The following BRF1 variants were observed in gnomAD, a reference collection of about 807,000 sequenced individuals.
BRF1 encodes transcription factor IIIB 90 kDa subunit.
Under a neutral mutation model 81.7 loss-of-function variants are expected in BRF1, and 59 were observed. The observed-to-expected ratio is 0.72, with a 90% CI of 0.59 to 0.90. The LOEUF (loss-of-function observed/expected upper bound fraction) is 0.90, where lower values mean the gene tolerates loss of function less well. BRF1 is among the 40% of genes least tolerant of loss of function. The probability of loss-of-function intolerance (pLI) is 0.00; values close to 1 mark genes in which losing one functional copy is unlikely to be tolerated. For synonymous variants in BRF1, 491 were observed against 395.6 expected, an observed-to-expected ratio of 1.24 and a Z score of -2.86; for missense variants, 1,050 against 936.3, an observed-to-expected ratio of 1.12 and a Z score of -1.58.
At position 105,219,703 on chromosome 14, in the gene BRF1, T is replaced by C. The variant is rs138669062; in HGVS notation, c.1377+366A>G. 1,043 of 411,308 alleles carry C rather than the reference T, an allele frequency of 2.5e-3. 6 individuals are homozygous for C. Among genetic ancestry groups the C allele is most frequent in the African/African-American group, 0.019 (971 of 50,512 alleles). 25.5% of individuals were successfully genotyped at this position (411,308 alleles called of 1,614,324 possible). ...AGCTGGTCCCAATGGCTGGAAGCCCTGGGGTTTGGGGGCGCACAGCGCATG... is the reference window on the plus strand; with the variant it reads ...AGCTGGTCCCAATGGCTGGAAGCCCCGGGGTTTGGGGGCGCACAGCGCATG... On this transcript the variant is annotated intron_variant, in intron 12 of 17. Coordinates refer to ENST00000547530, the MANE Select transcript of BRF1 (RefSeq NM_001519.4).
rs1302694897 is a variant in BRF1, at chr14:105,309,594, G to T, written c.-162+5728C>A. ...TGAGCCCAGGCAAATCTCCCAAGAC[G>T]CTGCCAAGCCACTCTGCAGAGCTGC... is the stretch of plus-strand genomic sequence containing the variant. On this transcript the variant is annotated intron_variant, in intron 1 of 17. Transcript: ENST00000327359. This position sits in a 1 kb window ranked among gnomAD's most constrained non-coding sequence, Gnocchi z 4.0. 6.6e-6 allele frequency among the ~76,000 whole-genome samples: 1 copy of T among 152,100 alleles called. No homozygotes were observed. The highest frequency in any genetic ancestry group is 1.5e-5 in the Non-Finnish European group (1 of 67,998).
At chr14:105,258,607 G>A (rs987456511) in intron 3 of BRF1, among the ~76,000 whole-genome samples, 4 of 151,654 alleles carry the variant, frequency 2.6e-5, no homozygotes, top group Non-Finnish European at 5.9e-5. Flanking sequence ...AGACCAGCCT[G>A]GCCAACATGG....
chr14:105,215,056 C>T (rs1013629801), intron 15 of BRF1, among the ~76,000 whole-genome samples: 2 of 152,170 alleles, frequency 1.3e-5, no homozygotes, highest in African/African-American at 4.8e-5. Flanking sequence ...TTCATGCTTC[C>T]GTCTTAGAAC....
intron 2 of BRF1, 93 bp from the exon 3 acceptor site, chr14:105,272,987 T>C: frequency 7.3e-7 from 1 of 1,372,266 alleles, no homozygotes; most frequent in Admixed American, 2.6e-5. Context: ...AGAATATAGA[T>C]TTGTGCTTTT....
rs1245069378 is a variant in BRF1, at chr14:105,284,095, A to G, written c.265+2201T>C. On this transcript the variant is annotated intron_variant, in intron 2 of 17. Transcript: ENST00000547530. This position sits in a 1 kb window ranked among gnomAD's most constrained non-coding sequence, Gnocchi z 4.0. ...CACAGAGAACCAGCCAGTGGAGAGGAAGAGGGATGTGCTGCGCTGCACCCG... is the reference window on the plus strand; with the variant it reads ...CACAGAGAACCAGCCAGTGGAGAGGGAGAGGGATGTGCTGCGCTGCACCCG... Among the ~76,000 whole-genome samples, 2 of 152,010 alleles carry G rather than the reference A, an allele frequency of 1.3e-5. No individual in the cohort carries two copies. The highest frequency in any genetic ancestry group is 4.8e-5 in the African/African-American group (2 of 41,392).
In BRF1 at chr14:105,315,011, C is replaced by T. The variant is rs1480100443; in HGVS notation, c.-162+311G>A. 9 of 1,245,554 alleles carry T rather than the reference C, an allele frequency of 7.2e-6. No individual in the cohort carries two copies. The highest frequency in any genetic ancestry group is 4.9e-5 in the East Asian group (1 of 20,616). The allele number at this position is 1,245,554 out of a possible 1,614,324, so 77.2% of individuals were successfully genotyped here. A position where few individuals can be genotyped will look rare whatever the true frequency, so the allele number is the denominator to read the frequency against. The stretch of plus-strand genomic sequence containing the variant: ...ACCTGTTCGCCACCTGGGAGGTGGA[C>T]GGCTCCAGCCCCAGCTGCGTGCCCA... On this transcript the variant is annotated intron_variant, in intron 1 of 17. Transcript: ENST00000327359. The surrounding 1 kb of genome is among the most constrained non-coding windows in gnomAD (Gnocchi z 4.4).
chr14:105,226,541 T>C, intron 8 of BRF1, 93 bp downstream of exon 8: 6 of 1,579,878 alleles, frequency 3.8e-6, no homozygotes, highest in Non-Finnish European at 5.1e-6. Flanking sequence ...GGCTTTGGGA[T>C]GGCACCAGCT....
chr14:105,263,486 A>G (rs936872793), intron 3 of BRF1, among the ~76,000 whole-genome samples: 1 of 152,114 alleles, frequency 6.6e-6, no homozygotes, highest in African/African-American at 2.4e-5. Flanking sequence ...TGAAAGGCAA[A>G]AGAGCCGAGC....
At chr14:105,300,042 C>T (rs951473181) in intron 1 of BRF1, among the ~76,000 whole-genome samples, 3 of 152,244 alleles carry the variant, frequency 2.0e-5, no homozygotes, top group Non-Finnish European at 4.4e-5. Context: ...GCCTGAGTGG[C>T]CCTAGGGCAT....
At chr14:105,227,937 C>T (rs1302972751) in intron 7 of BRF1, 2 of 152,230 alleles carry the variant, frequency 1.3e-5, no homozygotes, top group Non-Finnish European at 2.9e-5. Flanking sequence ...CAGGTGGCAG[C>T]AACTCCACTG....
upstream of BRF1, among the ~76,000 whole-genome samples, chr14:105,301,490 C>A (rs1001417412): frequency 4.1e-4 from 62 of 151,780 alleles, no homozygotes; most frequent in Non-Finnish European, 6.6e-4. Context: ...GGGACCCAAC[C>A]CCGGGCTCTG....
intron 5 of BRF1, chr14:105,250,289 A>G (rs1477710865): frequency 6.2e-7 from 1 of 1,613,058 alleles, no homozygotes; most frequent in Non-Finnish European, 8.5e-7. Context: ...GCGCTGCGAC[A>G]GCATCCAGTT....
In BRF1 at chr14:105,241,361, T is replaced by C; in HGVS notation, c.598A>G (p.Asn200Asp). 4 of 1,612,794 alleles carry C rather than the reference T, an allele frequency of 2.5e-6. No individual in the cohort carries two copies. The highest frequency in any genetic ancestry group is 3.4e-6 in the Non-Finnish European group (4 of 1,179,930). The change falls in exon 6 of 18, where the codon AAC (asparagine) becomes GAC (aspartate). Residue 200 changes from asparagine to aspartate, a missense_variant. Transcript: ENST00000547530. ...AGGGCAGTCATGGACACCTCGTGGT[T>C]CTTCTCCCCGAATTCCAGCAGGTGC... The part of the protein sequence containing the change: ...FAHLLEFGEK[N>D]HEVSMTALRL...
intron 6 of BRF1, among the ~76,000 whole-genome samples, chr14:105,229,213 G>A (rs1033340499): frequency 1.3e-5 from 2 of 152,230 alleles, no homozygotes; most frequent in Admixed American, 6.5e-5. Flanking sequence ...AGATGACTGT[G>A]CGGGAAACAC....
intron 3 of BRF1, 33 bp from the exon 4 acceptor site, chr14:105,256,582 C>T (rs1391664327): frequency 6.2e-7 from 1 of 1,608,910 alleles, no homozygotes; most frequent in Non-Finnish European, 8.5e-7. Flanking sequence ...TGTCGAGTGG[C>T]TGCAAGCTCA....
intron 1 of BRF1, among the ~76,000 whole-genome samples, chr14:105,312,457 G>A (rs1356040743): frequency 2.0e-5 from 3 of 152,162 alleles, no homozygotes; most frequent in African/African-American, 4.8e-5. Context: ...CTCCCCAACC[G>A]TGCCCAGCCA....
chr14:105,209,451 T>C lies in BRF1; in HGVS notation c.*1100A>G, dbSNP rs1021563599. ...GGGGCAGGACATACAGCCCATTCCA[T>C]GGGGAGGATGAGGCCCCTGGGGGTC... is the stretch of plus-strand genomic sequence containing the variant. On this transcript the variant is annotated 3_prime_UTR_variant, in exon 18 of 18. Coordinates refer to ENST00000547530, the MANE Select transcript of BRF1 (RefSeq NM_001519.4). The C allele has an allele frequency of 5.8e-6, 4 of 694,372 alleles. No homozygotes were observed. The highest frequency in any genetic ancestry group is 3.5e-5 in the African/African-American group (2 of 56,940). 43.0% of individuals were successfully genotyped at this position (694,372 alleles called of 1,614,324 possible). A position where few individuals can be genotyped will look rare whatever the true frequency, so the allele number is the denominator to read the frequency against.
intron 15 of BRF1, among the ~76,000 whole-genome samples, chr14:105,215,723 T>C (rs1274087623): frequency 1.8e-5 from 1 of 54,078 alleles, no homozygotes; most frequent in African/African-American, 1.7e-4. Context: ...CACACACACA[T>C]GCACACACAC....
At chr14:105,249,871 A>G in intron 5 of BRF1, 1 of 1,612,298 alleles carries the variant, frequency 6.2e-7, no homozygotes, top group Non-Finnish European at 8.5e-7. Flanking sequence ...AGATGGCCCT[A>G]CGGTCCGAAG....
Sources: allele counts gnomAD v4.1 joint callset (sites outside exome capture counted in the v4.1 genomes callset), GRCh38; gene constraint gnomAD v4.1.1; non-coding constraint Gnocchi (gnomAD v3.1); transcripts MANE v1.5; gene names NCBI Gene and HGNC (gene_info 2026-07-23, HGNC 2026-07-21).